CYP4F22: variants seen among roughly 807,000 people sequenced by gnomAD.
CYP4F22 encodes the protein ultra-long-chain fatty acid omega-hydroxylase.
In CYP4F22, 37 loss-of-function variants were observed where a neutral mutation model predicts 60.4. That is an observed-to-expected ratio of 0.61 (90% CI 0.47 to 0.81). The LOEUF (loss-of-function observed/expected upper bound fraction) is 0.81, where lower values mean the gene tolerates loss of function less well. CYP4F22 is among the 30% of genes least tolerant of loss of function. The probability of loss-of-function intolerance (pLI) is 0.00; values close to 1 mark genes in which losing one functional copy is unlikely to be tolerated. For missense variants in CYP4F22, 655 were observed against 715.0 expected (o/e 0.92, Z 0.96); for synonymous variants, 258 against 280.5 (o/e 0.92, Z 0.80).
At chr19:15,545,980 C>T (rs1449449664) in intron 10 of CYP4F22, among the ~76,000 whole-genome samples, 1 of 152,016 alleles carries the variant, frequency 6.6e-6, no homozygotes, top group Non-Finnish European at 1.5e-5. Context: ...GCTGTTTGCC[C>T]TTTATAGCAA....
At position 15,529,800 on chromosome 19, in the gene CYP4F22, C is replaced by T. The variant is rs749972738; in HGVS notation, c.314C>T (p.Pro105Leu). 2.2e-5 allele frequency: 36 copies of T among 1,613,972 alleles called. No homozygotes were observed. Among genetic ancestry groups the T allele is most frequent in the East Asian group, 1.1e-4 (5 of 44,890 alleles). ...VLLVWMGPVL[P>L]LLVLVHPDYI... ...TTGGTATGGATGGGACCTGTCCTGCCGCTGTTGGTTCTGGTGCACCCTGAT... is the reference window on the plus strand; with the variant it reads ...TTGGTATGGATGGGACCTGTCCTGCTGCTGTTGGTTCTGGTGCACCCTGAT... Residue 105 changes from proline (P) to leucine (L), a missense_variant, in exon 4 of 14, where the codon CCG (proline) becomes CTG (leucine). Pro to Leu is a moderately conservative substitution (Grantham distance 98, BLOSUM62 -3). This residue lies in a region of CYP4F22 where 430 missense variants were observed against 457.1 expected (regional missense o/e 0.94). Coordinates refer to ENST00000269703, the MANE Select transcript of CYP4F22 (RefSeq NM_173483.4).
chr19:15,526,707 T>G (rs1050260632), intron 3 of CYP4F22, among the ~76,000 whole-genome samples: 47 of 152,050 alleles, frequency 3.1e-4, no homozygotes, highest in Non-Finnish European at 4.3e-4. Context: ...TGCCTCTAGT[T>G]TCTGTAGTTA....
Position 15,544,055 on chromosome 19 carries a change from G to A in CYP4F22, c.1006+18G>A, listed in dbSNP as rs1971494338. 3 of 1,614,138 alleles carry A rather than the reference G, an allele frequency of 1.9e-6. No individual in the cohort carries two copies. The highest frequency in any genetic ancestry group is 4.5e-5 in the East Asian group (2 of 44,884). On this transcript the variant is annotated intron_variant, in intron 9 of 13. Transcript: ENST00000269703. ...GTTTGAGGGTGAGGATGTGGGGTGA[G>A]GCTGGAGGAGGGCAGGAAGGGACAT...
rs142720535 is a variant in CYP4F22 at position 15,525,458 on chromosome 19, G to T, written c.122G>T (p.Arg41Leu). 1.9e-6 allele frequency: 3 copies of T among 1,613,968 alleles called. No homozygotes were observed. Among genetic ancestry groups the T allele is most frequent in the Non-Finnish European group, 2.5e-6 (3 of 1,180,032 alleles). Residue 41 changes from arginine (R) to leucine (L), a missense_variant, in exon 3 of 14, where the codon CGG (arginine) becomes CTG (leucine). By Grantham distance (102) the Arg-to-Leu change is moderately radical. This residue lies in a region of CYP4F22 where 430 missense variants were observed against 457.1 expected (regional missense o/e 0.94). Transcript: ENST00000269703. Reference protein sequence around the residue: ...LLFFLFRLLLRFLRLCRSFYI... With the variant: ...LLFFLFRLLLLFLRLCRSFYI... Reference sequence around the variant, plus strand: ...TTCTTCCTGTTCCGCCTGCTGCTGCGGTTCCTGAGGCTCTGCAGGAGCTTC... The same window carrying T: ...TTCTTCCTGTTCCGCCTGCTGCTGCTGTTCCTGAGGCTCTGCAGGAGCTTC...
intron 10 of CYP4F22, among the ~76,000 whole-genome samples, chr19:15,547,577 C>A (rs1971541068): frequency 6.6e-6 from 1 of 152,072 alleles, no homozygotes; most frequent in Non-Finnish European, 1.5e-5. Flanking sequence ...AATCCCAGCA[C>A]TTTGGGAGGC....
chr19:15,537,814 T>A (rs576705212), intron 6 of CYP4F22, 58 bp from the exon 7 acceptor site: 283 of 1,612,090 alleles, frequency 1.8e-4, no homozygotes, highest in Non-Finnish European at 4.2e-6. Context: ...CGGGTCCTTG[T>A]TAGGCTGACT....
chr19:15,529,680 C>T, intron 3 of CYP4F22, 29 bp from the exon 4 acceptor site: 1 of 1,613,590 alleles, frequency 6.2e-7, no homozygotes, highest in Non-Finnish European at 8.5e-7. Flanking sequence ...CTGGGTACCT[C>T]CTCATTGCTC....
At chr19:15,520,775 T>G (rs1421995071) in intron 1 of CYP4F22, among the ~76,000 whole-genome samples, 3 of 129,834 alleles carry the variant, frequency 2.3e-5, no homozygotes, top group African/African-American at 3.7e-5. Context: ...TGTTTTTTTG[T>G]TTTTTTTTTT....
chr19:15,516,635 AT>A, intron 1 of CYP4F22: 1 of 352,600 alleles, frequency 2.8e-6, no homozygotes, highest in Non-Finnish European at 5.5e-6. Context: ...CTATTTCTGA[AT>A]AAACATTTTA....
intron 12 of CYP4F22, among the ~76,000 whole-genome samples, chr19:15,550,295 A>G (rs190360598): frequency 8.9e-4 from 135 of 152,218 alleles, no homozygotes; most frequent in African/African-American, 2.3e-3. Flanking sequence ...TAACAAACAA[A>G]CAAACAAACA....
At chr19:15,529,631 C>T (rs1971319798) in intron 3 of CYP4F22, 78 bp from the exon 4 acceptor site, 10 of 1,583,018 alleles carry the variant, frequency 6.3e-6, no homozygotes, top group Admixed American at 1.8e-5. Context: ...TTTGAGACTA[C>T]AGGAGGTGGC....
intron 1 of CYP4F22, among the ~76,000 whole-genome samples, chr19:15,509,877 C>CTTTCTTTCT (rs1212477445): frequency 8.1e-6 from 1 of 123,378 alleles, no homozygotes; most frequent in African/African-American, 3.0e-5. Context: ...TCCTTCCTTC[C>CTTTCTTTCT]TTCCTTCCTT....
intron 3 of CYP4F22, 91 bp downstream of exon 3, chr19:15,525,649 C>T: frequency 7.8e-7 from 1 of 1,278,166 alleles, no homozygotes. Flanking sequence ...TTCCCACAGC[C>T]TCCCAAGAAT....
intron 1 of CYP4F22, among the ~76,000 whole-genome samples, chr19:15,521,541 GT>G (rs1188266070): frequency 3.9e-5 from 6 of 152,036 alleles, no homozygotes; most frequent in African/African-American, 1.4e-4. Flanking sequence ...CTACTTCCAC[GT>G]TTTAGTGATT....
intron 4 of CYP4F22, among the ~76,000 whole-genome samples, chr19:15,536,229 C>T (rs1474017025): frequency 6.6e-6 from 1 of 152,068 alleles, no homozygotes; most frequent in Non-Finnish European, 1.5e-5. Context: ...GTCCCAGCTA[C>T]TCGGGAGGCT....
chr19:15,528,089 A>G (rs1195346249), intron 3 of CYP4F22, among the ~76,000 whole-genome samples: 1 of 152,052 alleles, frequency 6.6e-6, no homozygotes. Context: ...TTTTGGATGC[A>G]GTGGCCTGAC....
chr19:15,540,733 C>T lies in CYP4F22; in HGVS notation c.939+16C>T, dbSNP rs1315561457. ...CCTGGCCAGGGTGAGGCTGGGCCCC[C>T]TGGAATTGCTGGCCTCCCGAGGGCT... On this transcript the variant is annotated intron_variant, in intron 8 of 13. Coordinates refer to ENST00000269703, the MANE Select transcript of CYP4F22 (RefSeq NM_173483.4). 7 of 1,470,314 alleles carry T rather than the reference C, an allele frequency of 4.8e-6. No individual in the cohort carries two copies. The Admixed American group carries it at 1.5e-4, about 32-fold the overall frequency. The allele number at this position is 1,470,314 out of a possible 1,614,324, so 91.1% of individuals were successfully genotyped here. A position where few individuals can be genotyped will look rare whatever the true frequency, so the allele number is the denominator to read the frequency against.
Position 15,551,455 on chromosome 19 carries a change from T to A in CYP4F22, c.1580T>A (p.Leu527Gln). The part of the protein sequence containing the change: ...ENGLWLKVEP[L>Q]PPRA Reference sequence around the variant, plus strand: ...GGGCTCTGGCTCAAGGTGGAGCCGCTGCCTCCGCGGGCCTGAGCGTGGGCG... The same window carrying A: ...GGGCTCTGGCTCAAGGTGGAGCCGCAGCCTCCGCGGGCCTGAGCGTGGGCG... The change falls in exon 14 of 14, where the codon CTG becomes CAG. Residue 527 changes from leucine to glutamine, a missense_variant. By Grantham distance (113) the Leu-to-Gln change is moderately radical. This residue lies in a region of CYP4F22 where 151 missense variants were observed against 139.4 expected (regional missense o/e 1.08). Transcript: ENST00000269703. 2.6e-6 allele frequency: 4 copies of A among 1,565,234 alleles called. No homozygotes were observed. Among genetic ancestry groups the A allele is most frequent in the Non-Finnish European group, 3.5e-6 (4 of 1,155,666 alleles).
intron 8 of CYP4F22, 30 bp downstream of exon 8, chr19:15,540,747 C>T: frequency 6.8e-7 from 1 of 1,472,122 alleles, no homozygotes; most frequent in Non-Finnish European, 9.0e-7. Context: ...AATTGCTGGC[C>T]TCCCGAGGGC....
Sources: gnomAD v4.1 joint callset for allele counts (sites outside exome capture counted in the v4.1 genomes callset) on GRCh38, gnomAD v4.1.1 for gene constraint, gnomAD v4.1.1 regional missense constraint, MANE v1.5 for transcripts, NCBI Gene and HGNC (gene_info 2026-07-23, HGNC 2026-07-21) for gene names.